Variants in FAM117B observed in about 807,000 individuals in gnomAD.
The protein encoded by FAM117B is protein FAM117B.
A neutral mutation model predicts 52.8 loss-of-function variants in FAM117B; 22 were observed. The ratio of observed to expected loss-of-function variants is 0.42; its 90% CI spans 0.30 to 0.59. The LOEUF (loss-of-function observed/expected upper bound fraction) is 0.59. Among genes scored for constraint, FAM117B ranks in the 20% least tolerant of loss-of-function variants. The pLI is 0.22. For synonymous variants in FAM117B, 309 were observed against 324.1 expected, an observed-to-expected ratio of 0.95 and a Z score of 0.50; for missense variants, 678 against 802.6, an observed-to-expected ratio of 0.84 and a Z score of 1.88.
intron 1 of FAM117B, among the ~76,000 whole-genome samples, chr2:202,667,252 C>T (rs1304430405): frequency 6.6e-6 from 1 of 151,984 alleles, no homozygotes; most frequent in Non-Finnish European, 1.5e-5. Flanking sequence ...AGGCACGTGC[C>T]ACCATACCTG....
At chr2:202,673,741 C>T (rs1690337353) in intron 1 of FAM117B, among the ~76,000 whole-genome samples, 1 of 151,910 alleles carries the variant, frequency 6.6e-6, no homozygotes, top group African/African-American at 2.4e-5. Context: ...AGCCACTGTG[C>T]CCGGCCTACC....
At position 202,731,332 on chromosome 2, in the gene FAM117B, AATATATATATATATATATAT is replaced by A. The variant is rs35255766; in HGVS notation, c.960+4986_960+5005del. Among the ~76,000 whole-genome samples the A allele has an allele frequency of 2.8e-3, 86 of 30,770 alleles. 2 individuals carry two copies. The highest frequency in any genetic ancestry group is 5.1e-3 in the Admixed American group (11 of 2,178). The allele number at this position is 30,770 out of a possible 152,430, so 20.2% of individuals were successfully genotyped here. On this transcript the variant is annotated intron_variant, in intron 4 of 7. Coordinates refer to ENST00000392238, the MANE Select transcript of FAM117B (RefSeq NM_173511.4). ...TCAGGGGAGGATGTGGAGAAATTGG[AATATATATATATATATATAT>A]ATATATATATATATATGGAGAGAGA...
chr2:202,758,695 A>G (rs1276192313), intron 6 of FAM117B, among the ~76,000 whole-genome samples: 1 of 152,236 alleles, frequency 6.6e-6, no homozygotes, highest in African/African-American at 2.4e-5. Flanking sequence ...AAAGATTTCA[A>G]AAAACTTGAG....
At chr2:202,698,570 A>G (rs765243353) in intron 2 of FAM117B, among the ~76,000 whole-genome samples, 5 of 151,974 alleles carry the variant, frequency 3.3e-5, no homozygotes, top group Non-Finnish European at 7.4e-5. Flanking sequence ...CTACAAGCGC[A>G]CGCCACCACG....
intron 1 of FAM117B, among the ~76,000 whole-genome samples, chr2:202,676,818 A>G (rs1247996908): frequency 2.6e-5 from 4 of 152,236 alleles, no homozygotes; most frequent in Admixed American, 2.6e-4. Flanking sequence ...TAGGAGGTTG[A>G]AAGAATTTTG....
At chr2:202,726,018 A>G (rs1029483476) in intron 3 of FAM117B, among the ~76,000 whole-genome samples, 2 of 152,174 alleles carry the variant, frequency 1.3e-5, no homozygotes, top group Admixed American at 6.5e-5. Flanking sequence ...GCTGAAAACT[A>G]TTTGTGTAGT....
chr2:202,691,649 T>TTG (rs199855927), intron 1 of FAM117B, among the ~76,000 whole-genome samples: 2,144 of 126,762 alleles, frequency 0.017, 22 homozygotes, highest in Middle Eastern at 0.038. Context: ...CCAGTTTACA[T>TTG]TGTGTGTGTG....
chr2:202,711,666 T>C (rs1013783313), intron 2 of FAM117B, among the ~76,000 whole-genome samples: 2 of 152,204 alleles, frequency 1.3e-5, no homozygotes, highest in Non-Finnish European at 2.9e-5. Context: ...TGTAGTAGTT[T>C]CATAGTTTGA....
intron 3 of FAM117B, chr2:202,725,223 T>G (rs886410142): frequency 2.8e-6 from 1 of 360,302 alleles, no homozygotes; most frequent in African/African-American, 2.1e-5. Context: ...ATGTTTGTCT[T>G]TTTTTAGGAG....
intron 4 of FAM117B, among the ~76,000 whole-genome samples, chr2:202,728,482 T>C (rs1691290725): frequency 6.6e-6 from 1 of 152,212 alleles, no homozygotes; most frequent in Non-Finnish European, 1.5e-5. Flanking sequence ...ATTTGGAATG[T>C]TAATTAAAAA....
intron 7 of FAM117B, among the ~76,000 whole-genome samples, chr2:202,760,343 A>G (rs1430808316): frequency 6.6e-6 from 1 of 152,196 alleles, no homozygotes; most frequent in Non-Finnish European, 1.5e-5. Context: ...CAGCGTGGGA[A>G]GGCTAGGTCG....
At position 202,766,076 on chromosome 2, in the gene FAM117B, A is replaced by ACC; in HGVS notation, c.*313_*314insCC. 1 of 223,934 alleles carries ACC rather than the reference A, an allele frequency of 4.5e-6. No individual in the cohort carries two copies. Among genetic ancestry groups the ACC allele is most frequent in the Non-Finnish European group, 8.9e-6 (1 of 112,822 alleles). The allele number at this position is 223,934 out of a possible 1,614,324, so 13.9% of individuals were successfully genotyped here. ...ACTTCTTTAAAACACACACACACAC[A>ACC]CACACACACACACACACACACACAC... is the stretch of plus-strand genomic sequence containing the variant. On this transcript the variant is annotated 3_prime_UTR_variant, in exon 8 of 8. Transcript: ENST00000392238.
chr2:202,649,645 G>A (rs1242029137), intron 1 of FAM117B, among the ~76,000 whole-genome samples: 2 of 151,932 alleles, frequency 1.3e-5, no homozygotes, highest in East Asian at 1.9e-4. Context: ...TGTGCCTCCC[G>A]GGTTCAAGTG....
intron 1 of FAM117B, among the ~76,000 whole-genome samples, chr2:202,637,970 G>A (rs546482896): frequency 1.8e-4 from 27 of 151,324 alleles, no homozygotes; most frequent in Admixed American, 9.2e-4. Context: ...TCTGCCTCCC[G>A]GGTTCAAGCG....
At chr2:202,700,631 T>C (rs1471196846) in intron 2 of FAM117B, among the ~76,000 whole-genome samples, 1 of 152,054 alleles carries the variant, frequency 6.6e-6, no homozygotes, top group Non-Finnish European at 1.5e-5. Context: ...CTGTAGTAAG[T>C]TATCCAGAAG....
rs1219743876 is a variant in FAM117B, at chr2:202,644,053, G to GTTTTTTTTTTTTTTTTTTTTTTTTTTTT, written c.601+8275_601+8276insTTTTTTTTTTTTTTTTTTTTTTTTTTTT. Among the ~76,000 whole-genome samples, 21 of 60,162 alleles carry GTTTTTTTTTTTTTTTTTTTTTTTTTTTT rather than the reference G, an allele frequency of 3.5e-4. 2 individuals carry two copies. Among genetic ancestry groups the GTTTTTTTTTTTTTTTTTTTTTTTTTTTT allele is most frequent in the African/African-American group, 1.0e-3 (13 of 12,572 alleles). The allele number at this position is 60,162 out of a possible 152,430, so 39.5% of individuals were successfully genotyped here. A position where few individuals can be genotyped will look rare whatever the true frequency, so the allele number is the denominator to read the frequency against. On this transcript the variant is annotated intron_variant, in intron 1 of 7. Coordinates refer to ENST00000392238, the MANE Select transcript of FAM117B (RefSeq NM_173511.4). ...ATGCTATACTACTGCTTTAGGAGCT[G>GTTTTTTTTTTTTTTTTTTTTTTTTTTTT]TTTTTTTTTTGTTTTTTTTTTTTTT...
chr2:202,732,388 C>T (rs1489264487), intron 4 of FAM117B, among the ~76,000 whole-genome samples: 1 of 151,754 alleles, frequency 6.6e-6, no homozygotes, highest in Non-Finnish European at 1.5e-5. Flanking sequence ...TCATAATAGC[C>T]AAAATGTAGA....
intron 1 of FAM117B, among the ~76,000 whole-genome samples, chr2:202,678,098 T>C (rs914051644): frequency 3.3e-5 from 5 of 152,218 alleles, no homozygotes; most frequent in Non-Finnish European, 7.3e-5. Context: ...TATCATATCA[T>C]GTAATTATAT....
chr2:202,696,130 A>G, intron 2 of FAM117B, 98 bp downstream of exon 2: 1 of 1,272,254 alleles, frequency 7.9e-7, no homozygotes, highest in Non-Finnish European at 1.1e-6. Context: ...CATTTAGTGT[A>G]TATTAGAATT....
Sources: gnomAD v4.1 joint callset for allele counts (sites outside exome capture counted in the v4.1 genomes callset) on GRCh38, gnomAD v4.1.1 for gene constraint, MANE v1.5 for transcripts, NCBI Gene and HGNC (gene_info 2026-07-23, HGNC 2026-07-21) for gene names.